The following GORASP2 variants were observed in gnomAD, a reference collection of about 807,000 sequenced individuals.
The protein encoded by GORASP2 is golgi reassembly stacking protein 2.
Under a neutral mutation model 45.7 loss-of-function variants are expected in GORASP2, and 22 were observed. That is an observed-to-expected ratio of 0.48 (90% CI 0.34 to 0.69). The LOEUF (loss-of-function observed/expected upper bound fraction) is 0.69, where lower values mean the gene tolerates loss of function less well. GORASP2 is among the 30% of genes least tolerant of loss of function. GORASP2 has a pLI of 0.01. For synonymous variants in GORASP2, 221 were observed against 215.6 expected (o/e 1.02, Z -0.22); for missense variants, 491 against 562.7 (o/e 0.87, Z 1.29).
Position 170,966,095 on chromosome 2 carries a change from G to A in GORASP2, c.1324G>A (p.Ala442Thr). 6.2e-7 allele frequency: 1 copy of A among 1,614,070 alleles called. No homozygotes were observed. The highest frequency in any genetic ancestry group is 8.5e-7 in the Non-Finnish European group (1 of 1,179,942). Residue 442 changes from alanine (A) to threonine (T), a missense_variant, in exon 10 of 10, where the codon GCG becomes ACG. By Grantham distance (58) the Ala-to-Thr change is moderately conservative. Coordinates refer to ENST00000234160, the MANE Select transcript of GORASP2 (RefSeq NM_015530.5). ...STPVSEKPVS[A>T]AVDANASESP ...CCCAGTCAGCGAGAAGCCTGTTTCT[G>A]CGGCTGTGGATGCCAATGCTTCTGA... is the stretch of plus-strand genomic sequence containing the variant.
upstream of GORASP2, chr2:170,928,854 C>A (rs1242452188): frequency 1.3e-5 from 2 of 153,208 alleles, no homozygotes; most frequent in Admixed American, 1.3e-4. Context: ...TACCTACACA[C>A]CCGGAGAACA....
Position 170,929,420 on chromosome 2 carries a change from C to A in GORASP2, c.63+17C>A. On this transcript the variant is annotated intron_variant, in intron 1 of 9. Coordinates refer to ENST00000234160, the MANE Select transcript of GORASP2 (RefSeq NM_015530.5). The stretch of plus-strand genomic sequence containing the variant: ...GTTCTGCGGGTAAGGGCTCCGACGG[C>A]GGCCGGGGAGCTGCGGGCTGGAGGC... 2 of 1,368,096 alleles carry A rather than the reference C, an allele frequency of 1.5e-6. No individual in the cohort carries two copies. Among genetic ancestry groups the A allele is most frequent in the Admixed American group, 6.4e-5 (2 of 31,208 alleles). The allele number at this position is 1,368,096 out of a possible 1,614,324, so 84.7% of individuals were successfully genotyped here. A position where few individuals can be genotyped will look rare whatever the true frequency, so the allele number is the denominator to read the frequency against.
chr2:170,933,749 A>T (rs946490886), intron 1 of GORASP2, among the ~76,000 whole-genome samples: 1 of 152,204 alleles, frequency 6.6e-6, no homozygotes, highest in Admixed American at 6.5e-5. Context: ...TTCTGGAGCA[A>T]GTATTCAGTG....
chr2:170,930,196 T>C (rs1703785591), intron 1 of GORASP2, among the ~76,000 whole-genome samples: 1 of 152,128 alleles, frequency 6.6e-6, no homozygotes, highest in Non-Finnish European at 1.5e-5. Flanking sequence ...CAGAGAAACA[T>C]AGTATCTCAA....
intron 9 of GORASP2, among the ~76,000 whole-genome samples, chr2:170,964,786 AAGTAGTGAGGATTTCACC>A (rs1357092517): frequency 6.4e-4 from 97 of 152,060 alleles, no homozygotes; most frequent in African/African-American, 1.9e-3. Flanking sequence ...GACAGGCTCT[AAGTAGTGAGGATTTCACC>A]AGCTGGTGGT....
Position 170,950,231 on chromosome 2 carries a change from C to A in GORASP2, c.376C>A (p.Leu126Met). 6.3e-7 allele frequency: 1 copy of A among 1,577,956 alleles called. No homozygotes were observed. The highest frequency in any genetic ancestry group is 8.7e-7 in the Non-Finnish European group (1 of 1,154,616). ...LEVESNSPAA[L>M]AGLRPHSDYI... ...GGTGGAATCAAATTCTCCTGCAGCACTGGCAGGTCTTAGACCACACAGTGA... is the reference window on the plus strand; with the variant it reads ...GGTGGAATCAAATTCTCCTGCAGCAATGGCAGGTCTTAGACCACACAGTGA... The change falls in exon 4 of 10, where the codon CTG becomes ATG. Residue 126 changes from leucine (L) to methionine (M), a missense_variant. Physicochemically the swap from Leu to Met is conservative, Grantham distance 15 (BLOSUM62 2). This residue lies in a region of GORASP2 where 194 missense variants were observed against 270.4 expected (regional missense o/e 0.72). Transcript: ENST00000234160.
chr2:170,962,679 A>T (rs540441093), intron 8 of GORASP2, among the ~76,000 whole-genome samples, 160 bp from the exon 9 acceptor site: 1 of 152,306 alleles, frequency 6.6e-6, no homozygotes, highest in East Asian at 1.9e-4. Context: ...ATTAAGTGAA[A>T]TTTTGTTATT....
intron 7 of GORASP2, among the ~76,000 whole-genome samples, chr2:170,960,075 C>T (rs1205649794): frequency 6.6e-6 from 1 of 152,162 alleles, no homozygotes. Flanking sequence ...CCTACCTCAG[C>T]TTCCCAAAGT....
chr2:170,942,631 G>A (rs533932817), intron 1 of GORASP2, among the ~76,000 whole-genome samples: 15 of 152,246 alleles, frequency 9.9e-5, no homozygotes, highest in African/African-American at 2.6e-4. Flanking sequence ...CTGTTTCTAC[G>A]TTAGGGATAT....
chr2:170,955,737 G>A (rs1378856648), intron 6 of GORASP2, among the ~76,000 whole-genome samples: 1 of 152,158 alleles, frequency 6.6e-6, no homozygotes, highest in African/African-American at 2.4e-5. Context: ...CCCTAATCAG[G>A]GCTTTCCCAG....
chr2:170,961,996 C>T (rs1455489003), intron 8 of GORASP2, among the ~76,000 whole-genome samples: 1 of 152,204 alleles, frequency 6.6e-6, no homozygotes, highest in Non-Finnish European at 1.5e-5. Context: ...CAGCCAGCGG[C>T]CACCTACTGC....
chr2:170,958,674 TA>T lies in GORASP2; in HGVS notation c.823+2129del, dbSNP rs71008732. ...TGCTCTTTTTTTTTTTTTTTTTTTT[TA>T]AAAAAAAAAAAAACAGACTCTGTTG... On this transcript the variant is annotated intron_variant, in intron 7 of 9. Transcript: ENST00000234160. 4.3e-3 allele frequency among the ~76,000 whole-genome samples: 428 copies of T among 99,168 alleles called. 5 individuals are homozygous for T. The highest frequency in any genetic ancestry group is 0.015 in the African/African-American group (365 of 25,134). 65.1% of individuals were successfully genotyped at this position (99,168 alleles called of 152,430 possible).
chr2:170,932,802 C>T (rs571735654), intron 1 of GORASP2, among the ~76,000 whole-genome samples: 37 of 152,244 alleles, frequency 2.4e-4, no homozygotes, highest in Non-Finnish European at 4.1e-4. Flanking sequence ...AATAATATGA[C>T]GTATTCAAGG....
At chr2:170,950,877 G>A (rs1478700804) in intron 4 of GORASP2, among the ~76,000 whole-genome samples, 1 of 152,162 alleles carries the variant, frequency 6.6e-6, no homozygotes, top group African/African-American at 2.4e-5. Context: ...AGCTACCTGG[G>A]AGGCTGAGGT....
intron 1 of GORASP2, chr2:170,929,700 C>T (rs1239148857): frequency 1.6e-6 from 1 of 612,452 alleles, no homozygotes; most frequent in Admixed American, 2.2e-5. Context: ...TGCTCTTTTT[C>T]CGCACGGCCT....
chr2:170,945,773 C>T (rs1273457699), intron 1 of GORASP2, among the ~76,000 whole-genome samples: 3 of 152,078 alleles, frequency 2.0e-5, no homozygotes, highest in Admixed American at 2.0e-4. Flanking sequence ...AGGTAATGAA[C>T]AATTCTGATT....
chr2:170,956,841 G>T (rs1308122921), intron 7 of GORASP2, among the ~76,000 whole-genome samples: 4 of 152,150 alleles, frequency 2.6e-5, no homozygotes, highest in African/African-American at 9.7e-5. Flanking sequence ...TTGAGCCTTG[G>T]AGGTTGTGGC....
chr2:170,935,996 G>T (rs1703942098), intron 1 of GORASP2, among the ~76,000 whole-genome samples: 2 of 152,182 alleles, frequency 1.3e-5, no homozygotes. Context: ...AAGTAGTAGA[G>T]TGTACAACAC....
chr2:170,962,008 C>G (rs1361441855), intron 8 of GORASP2, among the ~76,000 whole-genome samples: 1 of 152,192 alleles, frequency 6.6e-6, no homozygotes, highest in Admixed American at 6.5e-5. Flanking sequence ...ACCTACTGCC[C>G]CTGCAGCTCT....
Sources: allele counts gnomAD v4.1 joint callset (sites outside exome capture counted in the v4.1 genomes callset), GRCh38; gene constraint gnomAD v4.1.1; regional missense constraint gnomAD v4.1.1; transcripts MANE v1.5; gene names NCBI Gene and HGNC (gene_info 2026-07-23, HGNC 2026-07-21).